The following RBFOX3 variants were observed in gnomAD, a reference collection of about 807,000 sequenced individuals.
The protein encoded by RBFOX3 is RNA binding protein fox-1 homolog 3.
RBFOX3 carries 17 observed loss-of-function variants against 48.7 expected under a neutral mutation model. That is an observed-to-expected ratio of 0.35 (90% CI 0.24 to 0.52). The LOEUF is 0.52. Among genes scored for constraint, RBFOX3 ranks in the 20% least tolerant of loss-of-function variants. The pLI is 0.94. For missense variants in RBFOX3, 382 were observed against 497.5 expected, an observed-to-expected ratio of 0.77 and a Z score of 2.21; for synonymous variants, 212 against 209.5, an observed-to-expected ratio of 1.01 and a Z score of -0.10.
chr17:79,207,982 C>T (rs1369934323), intron 4 of RBFOX3, among the ~76,000 whole-genome samples: 4 of 152,206 alleles, frequency 2.6e-5, no homozygotes, highest in Non-Finnish European at 5.9e-5. Context: ...GCGGGAGCCT[C>T]GGCAAGCCTC....
At chr17:79,662,174 G>A in the RBFOX3 span, among the ~76,000 whole-genome samples, 1 of 113,752 alleles carries the variant, frequency 8.8e-6, no homozygotes, top group Admixed American at 1.4e-4. Flanking sequence ...CCAGGCTGGA[G>A]TGCGGTGGTG....
At chr17:79,430,064 A>G (rs2068129007) in intron 2 of RBFOX3, among the ~76,000 whole-genome samples, 1 of 152,122 alleles carries the variant, frequency 6.6e-6, no homozygotes, top group Non-Finnish European at 1.5e-5. Flanking sequence ...CTCCCTGGAG[A>G]CATCAGCGCA....
rs79967633 is a variant in RBFOX3, at chr17:79,143,693, C to A, written c.-33-27945G>T. ...GGACAGGAACGGGGTAGGGGACCGT[C>A]GTCCTCCAGCACAGGCCCCCACACC... On this transcript the variant is annotated intron_variant, in intron 4 of 14. Coordinates refer to ENST00000693108, the MANE Select transcript of RBFOX3 (RefSeq NM_001350451.2). Among the ~76,000 whole-genome samples, 753 of 152,298 alleles carry A rather than the reference C, an allele frequency of 4.9e-3. 7 individuals are homozygous for A. Among genetic ancestry groups the A allele is most frequent in the African/African-American group, 0.017 (714 of 41,556 alleles).
chr17:79,478,099 G>C (rs887175212), intron 2 of RBFOX3, among the ~76,000 whole-genome samples: 2 of 152,176 alleles, frequency 1.3e-5, no homozygotes, highest in Non-Finnish European at 2.9e-5. Context: ...GAAGCCCCAC[G>C]CACGTTCCCA....
intron 1 of RBFOX3, among the ~76,000 whole-genome samples, chr17:79,486,552 T>C (rs2079636562): frequency 6.6e-6 from 1 of 152,126 alleles, no homozygotes. Flanking sequence ...TGCTCACATA[T>C]GCACACGAGC....
intron 1 of RBFOX3, among the ~76,000 whole-genome samples, chr17:79,530,436 G>C (rs1329418922): frequency 6.6e-6 from 1 of 152,118 alleles, no homozygotes; most frequent in African/African-American, 2.4e-5. Flanking sequence ...GCCCAGAGCC[G>C]TGCCTCCTCC....
At position 79,421,452 on chromosome 17, in the gene RBFOX3, C is replaced by T. The variant is rs1015123170; in HGVS notation, c.-175+61002G>A. ...TAGGGGCCTCTCCAGAGCCCACGGA[C>T]CACAGCCACTGGCAGGACAGCAGCT... On this transcript the variant is annotated intron_variant, in intron 2 of 14. Transcript: ENST00000693108. The surrounding 1 kb of genome is among the most constrained non-coding windows in gnomAD (Gnocchi z 4.5). 5.9e-5 allele frequency among the ~76,000 whole-genome samples: 9 copies of T among 152,136 alleles called. No homozygotes were observed. Among genetic ancestry groups the T allele is most frequent in the African/African-American group, 2.2e-4 (9 of 41,418 alleles).
intron 2 of RBFOX3, among the ~76,000 whole-genome samples, chr17:79,459,510 C>T (rs2075084607): frequency 6.6e-6 from 1 of 152,122 alleles, no homozygotes. Context: ...AAGGGGATGC[C>T]AAGGACCAGA....
chr17:79,615,703 G>A (rs1012736671), upstream of RBFOX3, among the ~76,000 whole-genome samples: 15 of 152,170 alleles, frequency 9.9e-5, no homozygotes, highest in Non-Finnish European at 1.9e-4. Flanking sequence ...TTCGCCCCAT[G>A]GAAGCATTTA....
Position 79,090,824 on chromosome 17 carries a change from A to AT in RBFOX3, c.*58dup, listed in dbSNP as rs745889715. 4,759 of 1,437,714 alleles carry AT rather than the reference A, an allele frequency of 3.3e-3. 10 individuals are homozygous for AT. Among genetic ancestry groups the AT allele is most frequent in the Middle Eastern group, 9.0e-3 (50 of 5,526 alleles). The allele number at this position is 1,437,714 out of a possible 1,614,324, so 89.1% of individuals were successfully genotyped here. ...CTTTTTTTGTTTTTTTTGTTTTGTG[A>AT]TTTTTTTTGTTTTTTTGTTTTTGCC... On this transcript the variant is annotated 3_prime_UTR_variant, in exon 15 of 15. Coordinates refer to ENST00000693108, the MANE Select transcript of RBFOX3 (RefSeq NM_001350451.2).
intron 4 of RBFOX3, chr17:79,208,475 C>T (rs183835214): frequency 2.6e-5 from 4 of 152,450 alleles, no homozygotes; most frequent in Admixed American, 6.5e-5. Context: ...CAACCCCTGG[C>T]TGACTTCTCT....
chr17:79,447,874 G>C (rs2072655002), intron 2 of RBFOX3, among the ~76,000 whole-genome samples: 1 of 152,178 alleles, frequency 6.6e-6, no homozygotes, highest in African/African-American at 2.4e-5. Context: ...TTGGGGGAGG[G>C]ACCTGGTGGG....
intron 3 of RBFOX3, among the ~76,000 whole-genome samples, chr17:79,248,649 C>G (rs1459530668): frequency 6.6e-6 from 1 of 152,250 alleles, no homozygotes; most frequent in African/African-American, 2.4e-5. Flanking sequence ...GTGTCCCCCA[C>G]AGTGACGGCC....
At chr17:79,237,258 C>T (rs2061738620) in intron 3 of RBFOX3, among the ~76,000 whole-genome samples, 1 of 152,178 alleles carries the variant, frequency 6.6e-6, no homozygotes, top group South Asian at 2.1e-4. Context: ...CTAGAAAAAT[C>T]ACCACCACCG....
intron 1 of RBFOX3, among the ~76,000 whole-genome samples, chr17:79,558,674 AGCC>A (rs1214414432): frequency 6.6e-6 from 1 of 152,184 alleles, no homozygotes; most frequent in Non-Finnish European, 1.5e-5. Context: ...TTACTGGAGC[AGCC>A]TTCCCCTGCC....
chr17:79,468,665 GGATA>G (rs1319978196), intron 2 of RBFOX3, among the ~76,000 whole-genome samples: 1,859 of 150,146 alleles, frequency 0.012, 14 homozygotes, highest in Non-Finnish European at 0.018. Flanking sequence ...ATGGATGGAT[GGATA>G]GATAGATAGG....
chr17:79,226,701 G>A (rs1483833865), intron 4 of RBFOX3, among the ~76,000 whole-genome samples: 1 of 152,196 alleles, frequency 6.6e-6, no homozygotes, highest in African/African-American at 2.4e-5. Context: ...TGGTAGAGTG[G>A]GGATGGCAAC....
chr17:79,147,440 T>C (rs535380758), intron 4 of RBFOX3, among the ~76,000 whole-genome samples: 1 of 152,330 alleles, frequency 6.6e-6, no homozygotes, highest in African/African-American at 2.4e-5. Flanking sequence ...GCCGCCAGCC[T>C]TCCCCCAACC....
intron 1 of RBFOX3, among the ~76,000 whole-genome samples, chr17:79,508,164 G>A (rs982832304): frequency 2.0e-5 from 3 of 152,240 alleles, no homozygotes; most frequent in Non-Finnish European, 2.9e-5. Context: ...TGAAAATGAC[G>A]GCAGCCCCTG....
Sources: gnomAD v4.1 joint callset for allele counts (sites outside exome capture counted in the v4.1 genomes callset) on GRCh38, gnomAD v4.1.1 for gene constraint, Gnocchi (gnomAD v3.1) non-coding constraint, MANE v1.5 for transcripts, NCBI Gene and HGNC (gene_info 2026-07-23, HGNC 2026-07-21) for gene names.